The following MAP3K2 variants were observed in gnomAD, a reference collection of about 807,000 sequenced individuals.
MAP3K2 encodes the protein MAP/ERK kinase kinase 2.
MAP3K2 carries 24 observed loss-of-function variants against 80.3 expected under a neutral mutation model. The observed-to-expected ratio is 0.30, with a 90% CI of 0.22 to 0.42. MAP3K2 has a LOEUF of 0.42. Ranked by LOEUF, MAP3K2 falls within the 10% of genes least tolerant of loss-of-function variation. The probability of loss-of-function intolerance (pLI) is 1.00; values close to 1 mark genes in which losing one functional copy is unlikely to be tolerated. For synonymous variants in MAP3K2, 244 were observed against 253.7 expected (o/e 0.96, Z 0.36); for missense variants, 608 against 750.1 (o/e 0.81, Z 2.21).
intron 7 of MAP3K2, among the ~76,000 whole-genome samples, chr2:127,327,611 C>A (rs1686170692): frequency 1.3e-5 from 2 of 151,478 alleles, no homozygotes; most frequent in Admixed American, 6.6e-5. Flanking sequence ...TATTTGACAA[C>A]CCTTTTTCAC....
At chr2:127,381,819 T>C (rs1219432087) in intron 1 of MAP3K2, among the ~76,000 whole-genome samples, 5 of 151,876 alleles carry the variant, frequency 3.3e-5, no homozygotes, top group Admixed American at 2.0e-4. Flanking sequence ...GGTATTCTTG[T>C]CCAAAATGTT....
intron 13 of MAP3K2, 94 bp downstream of exon 13, chr2:127,318,075 T>G: frequency 3.1e-6 from 3 of 956,740 alleles, no homozygotes; most frequent in East Asian, 2.9e-5. Flanking sequence ...AAAAAAATGC[T>G]TCTTATTTAG....
chr2:127,368,084 G>A (rs1384918437), intron 1 of MAP3K2, among the ~76,000 whole-genome samples: 1 of 152,144 alleles, frequency 6.6e-6, no homozygotes, highest in African/African-American at 2.4e-5. Flanking sequence ...CACTCTGGGA[G>A]GCCGAGGCGG....
chr2:127,314,433 A>G (rs1037781927), intron 15 of MAP3K2, among the ~76,000 whole-genome samples: 6 of 152,222 alleles, frequency 3.9e-5, no homozygotes, highest in African/African-American at 1.4e-4. Context: ...CCAAATTTGA[A>G]TCAGGCCATC....
intron 7 of MAP3K2, among the ~76,000 whole-genome samples, chr2:127,327,546 T>C (rs1387282731): frequency 2.0e-5 from 3 of 149,870 alleles, no homozygotes; most frequent in Non-Finnish European, 4.4e-5. Context: ...TATAGTCAAT[T>C]ACTAAAAGGA....
intron 1 of MAP3K2, among the ~76,000 whole-genome samples, chr2:127,367,932 G>A (rs958032102): frequency 6.6e-5 from 10 of 152,206 alleles, no homozygotes; most frequent in African/African-American, 2.4e-5. Context: ...TGACTTAGGA[G>A]CATCCAACTA....
At chr2:127,362,570 A>T (rs1322484875) in intron 1 of MAP3K2, among the ~76,000 whole-genome samples, 1 of 152,202 alleles carries the variant, frequency 6.6e-6, no homozygotes, top group Non-Finnish European at 1.5e-5. Flanking sequence ...GAACAAATTT[A>T]GACTTTAAAA....
intron 1 of MAP3K2, among the ~76,000 whole-genome samples, chr2:127,376,428 C>A (rs1574008672): frequency 6.6e-6 from 1 of 152,174 alleles, no homozygotes; most frequent in Non-Finnish European, 1.5e-5. Context: ...CTTGTCAGGG[C>A]CGCAGCTGCT....
chr2:127,339,097 T>A lies in MAP3K2; in HGVS notation c.5-47A>T, dbSNP rs1327642960. ...CATACATAGAATTGTAATTGTGACA[T>A]ATATATCAACATGTATAGACATCAA... On this transcript the variant is annotated intron_variant, in intron 2 of 16. Coordinates refer to ENST00000682094, the MANE Select transcript of MAP3K2 (RefSeq NM_001371910.2). This position sits in a 1 kb window ranked among gnomAD's most constrained non-coding sequence, Gnocchi z 4.2. 1.7e-6 allele frequency: 2 copies of A among 1,162,754 alleles called. No individual in the cohort carries two copies. Among genetic ancestry groups the A allele is most frequent in the Admixed American group, 2.0e-5 (1 of 49,498 alleles). 72.0% of individuals were successfully genotyped at this position (1,162,754 alleles called of 1,614,324 possible).
At chr2:127,366,384 G>GAAA (rs61497433) in intron 1 of MAP3K2, among the ~76,000 whole-genome samples, 1 of 87,404 alleles carries the variant, frequency 1.1e-5, no homozygotes, top group African/African-American at 4.4e-5. Context: ...CCTATCTCTG[G>GAAA]AAAAAAAAAA....
chr2:127,370,103 A>G (rs1025361239), intron 1 of MAP3K2, among the ~76,000 whole-genome samples: 4 of 140,508 alleles, frequency 2.8e-5, no homozygotes, highest in Non-Finnish European at 6.2e-5. Flanking sequence ...TCTGCATGCA[A>G]GACTAGCGGG....
chr2:127,325,850 C>A (rs781395536), intron 8 of MAP3K2, 43 bp from the exon 9 acceptor site: 1 of 1,380,552 alleles, frequency 7.2e-7, no homozygotes, highest in Non-Finnish European at 1.0e-6. Flanking sequence ...TTTGATATAA[C>A]CAAAAGTTGC....
chr2:127,370,520 A>G (rs1462859026), intron 1 of MAP3K2, among the ~76,000 whole-genome samples: 1 of 152,196 alleles, frequency 6.6e-6, no homozygotes, highest in East Asian at 1.9e-4. Context: ...TCATCAAGGG[A>G]CAACAGTTAT....
intron 1 of MAP3K2, among the ~76,000 whole-genome samples, chr2:127,354,768 CTAATAA>C: frequency 6.6e-6 from 1 of 151,914 alleles, no homozygotes; most frequent in East Asian, 1.9e-4. Context: ...AGCCAGTCAA[CTAATAA>C]TAACAGACCC....
At chr2:127,330,051 G>A (rs748833890) in intron 6 of MAP3K2, 43 bp from the exon 7 acceptor site, 16 of 1,182,310 alleles carry the variant, frequency 1.4e-5, no homozygotes, top group Non-Finnish European at 2.5e-6. Context: ...TTCCTCCTTG[G>A]GGCTTTAAAC....
chr2:127,353,496 C>A (rs963066807), intron 1 of MAP3K2, among the ~76,000 whole-genome samples: 43 of 151,850 alleles, frequency 2.8e-4, no homozygotes, highest in African/African-American at 8.0e-4. Flanking sequence ...GGAGCCCCTC[C>A]GCCCGGCAGC....
rs1686020942 is a variant in MAP3K2 at position 127,321,603 on chromosome 2, A to C, written c.1045+443T>G. ...CAAGTAAGATACTCCCACATCAGCC[A>C]AAAATTGAACTATTCCCCATTTTTA... On this transcript the variant is annotated intron_variant, in intron 12 of 16. Coordinates refer to ENST00000682094, the MANE Select transcript of MAP3K2 (RefSeq NM_001371910.2). This position sits in a 1 kb window ranked among gnomAD's most constrained non-coding sequence, Gnocchi z 4.4. Among the ~76,000 whole-genome samples the C allele has an allele frequency of 6.6e-6, 1 of 152,264 alleles. No homozygotes were observed. The highest frequency in any genetic ancestry group is 2.4e-5 in the African/African-American group (1 of 41,466).
In MAP3K2 at chr2:127,364,252, A is replaced by G. The variant is rs545764014; in HGVS notation, c.-65-21058T>C. On this transcript the variant is annotated intron_variant, in intron 1 of 16. Transcript: ENST00000682094. The surrounding 1 kb of genome is among the most constrained non-coding windows in gnomAD (Gnocchi z 4.1). ...TGCATCTCAAAACAATTTACCCAGG[A>G]AACCATTCGGATAACCAAAAGAAGC... Among the ~76,000 whole-genome samples, 22 of 152,222 alleles carry G rather than the reference A, an allele frequency of 1.4e-4. No individual in the cohort carries two copies. The highest frequency in any genetic ancestry group is 2.9e-4 in the Non-Finnish European group (20 of 68,042).
At chr2:127,330,044 C>A in intron 6 of MAP3K2, 36 bp from the exon 7 acceptor site, 1 of 1,204,252 alleles carries the variant, frequency 8.3e-7, no homozygotes, top group Non-Finnish European at 1.2e-6. Flanking sequence ...GCTATTCTTC[C>A]TCCTTGGGGC....
Sources: allele counts gnomAD v4.1 joint callset (sites outside exome capture counted in the v4.1 genomes callset), GRCh38; gene constraint gnomAD v4.1.1; non-coding constraint Gnocchi (gnomAD v3.1); transcripts MANE v1.5; gene names NCBI Gene and HGNC (gene_info 2026-07-23, HGNC 2026-07-21).